Variants in ZNF714 observed in about 807,000 individuals in gnomAD.
ZNF714 encodes the protein zinc finger protein 714.
In ZNF714, 32 loss-of-function variants were observed where a neutral mutation model predicts 46.2. That is an observed-to-expected ratio of 0.69 (90% CI 0.52 to 0.93). The LOEUF (loss-of-function observed/expected upper bound fraction) is 0.93, where lower values mean the gene tolerates loss of function less well. Ranked by LOEUF, ZNF714 falls within the 40% of genes least tolerant of loss-of-function variation. The probability of loss-of-function intolerance (pLI) is 0.00; values close to 1 mark genes in which losing one functional copy is unlikely to be tolerated. For missense variants in ZNF714, 635 were observed against 646.3 expected (o/e 0.98, Z 0.19); for synonymous variants, 199 against 213.1 (o/e 0.93, Z 0.58).
At chr19:21,098,759 G>GA in intron 3 of ZNF714, 53 bp from the exon 4 acceptor site, 1 of 1,270,842 alleles carries the variant, frequency 7.9e-7, no homozygotes, top group South Asian at 1.3e-5. Context: ...CACAGTACTA[G>GA]GTTGGTAACT....
At chr19:21,084,654 T>A (rs1968732567) in intron 2 of ZNF714, among the ~76,000 whole-genome samples, 1 of 152,194 alleles carries the variant, frequency 6.6e-6, no homozygotes, top group Admixed American at 6.5e-5. Context: ...TGACCTCAGT[T>A]TTTTAGCTGT....
chr19:21,103,641 G>A (rs971975034), intron 4 of ZNF714, among the ~76,000 whole-genome samples: 1 of 152,140 alleles, frequency 6.6e-6, no homozygotes, highest in African/African-American at 2.4e-5. Context: ...CAGACGTGGT[G>A]GCTCACATCT....
intron 2 of ZNF714, among the ~76,000 whole-genome samples, chr19:21,095,200 G>A (rs1245115115): frequency 9.9e-5 from 15 of 152,104 alleles, no homozygotes; most frequent in Non-Finnish European, 1.5e-5. Context: ...ACTGAGGCAG[G>A]CCTTGCATAA....
intron 4 of ZNF714, among the ~76,000 whole-genome samples, chr19:21,115,709 G>A (rs1348220060): frequency 6.6e-6 from 1 of 151,572 alleles, no homozygotes; most frequent in Non-Finnish European, 1.5e-5. Flanking sequence ...TTGAAATTGT[G>A]CTTATATATG....
At position 21,122,696 on chromosome 19, in the gene ZNF714, CCTT is replaced by C. The variant is rs971233281; in HGVS notation, c.*4368_*4370del. The stretch of plus-strand genomic sequence containing the variant: ...TTTCCAACTATGTATGCATCACAGC[CCTT>C]CTTTTTCTGAGTTATAGCTACAGTT... On this transcript the variant is annotated 3_prime_UTR_variant, in exon 5 of 5. Coordinates refer to ENST00000456283, the MANE Select transcript of ZNF714 (RefSeq NM_182515.4). 1.2e-4 allele frequency: 18 copies of C among 152,222 alleles called. No individual in the cohort carries two copies. Among genetic ancestry groups the C allele is most frequent in the African/African-American group, 4.3e-4 (18 of 41,542 alleles). The allele number at this position is 152,222 out of a possible 1,614,324, so 9.4% of individuals were successfully genotyped here.
intron 2 of ZNF714, among the ~76,000 whole-genome samples, chr19:21,087,990 G>A (rs1035637514): frequency 3.9e-5 from 6 of 152,064 alleles, no homozygotes; most frequent in East Asian, 1.9e-4. Flanking sequence ...TTTTAATTAC[G>A]TACTAGGCGT....
Position 21,101,489 on chromosome 19 carries a change from G to C in ZNF714, c.142+2579G>C, listed in dbSNP as rs550855441. Among the ~76,000 whole-genome samples the C allele has an allele frequency of 9.0e-4, 137 of 152,316 alleles. 1 individual carries two copies. Among genetic ancestry groups the C allele is most frequent in the Middle Eastern group, 3.4e-3 (1 of 294 alleles). ...TAGGGCAGACACGAGGGCAGTGTCT[G>C]CAGTTGGCTCCATATATAATGGCCC... is the stretch of plus-strand genomic sequence containing the variant. On this transcript the variant is annotated intron_variant, in intron 4 of 4. Coordinates refer to ENST00000456283, the MANE Select transcript of ZNF714 (RefSeq NM_182515.4).
chr19:21,116,385 A>T (rs1162746605), intron 4 of ZNF714, among the ~76,000 whole-genome samples: 1 of 152,118 alleles, frequency 6.6e-6, no homozygotes, highest in African/African-American at 2.4e-5. Flanking sequence ...ACGGGAGACC[A>T]GTTTCTGGAA....
chr19:21,113,892 T>G (rs1370920647), intron 4 of ZNF714, among the ~76,000 whole-genome samples: 2 of 152,156 alleles, frequency 1.3e-5, no homozygotes, highest in African/African-American at 4.8e-5. Flanking sequence ...GTTCTGTAGA[T>G]ATCTGTCAGG....
At chr19:21,088,262 T>C (rs1968830650) in intron 2 of ZNF714, among the ~76,000 whole-genome samples, 1 of 152,240 alleles carries the variant, frequency 6.6e-6, no homozygotes, top group South Asian at 2.1e-4. Flanking sequence ...TTGGACTCTC[T>C]GATTTGTCCT....
intron 4 of ZNF714, 106 bp downstream of exon 4, chr19:21,099,016 A>AGATGCCT: frequency 1.5e-6 from 1 of 651,592 alleles, no homozygotes; most frequent in Non-Finnish European, 2.5e-6. Flanking sequence ...GCTGTTTTGC[A>AGATGCCT]AAGTATATAG....
chr19:21,087,579 T>A (rs1227729087), intron 2 of ZNF714, among the ~76,000 whole-genome samples: 1 of 152,190 alleles, frequency 6.6e-6, no homozygotes, highest in African/African-American at 2.4e-5. Flanking sequence ...TATAAACCTT[T>A]TATAACTCTT....
rs1969761482 is a variant in ZNF714 at position 21,124,507 on chromosome 19, CA to C, written c.*6177del. Among the ~76,000 whole-genome samples, 1 of 152,078 alleles carries C rather than the reference CA, an allele frequency of 6.6e-6. No homozygotes were observed. Among genetic ancestry groups the C allele is most frequent in the Non-Finnish European group, 1.5e-5 (1 of 68,010 alleles). On this transcript the variant is annotated 3_prime_UTR_variant, in exon 5 of 5. Transcript: ENST00000456283. ...TTTATGTCTTAAAAATATTTTCTTTCAACTTGAGAAAATGTGTGCTTTTTCT... is the reference window on the plus strand; with the variant it reads ...TTTATGTCTTAAAAATATTTTCTTTCACTTGAGAAAATGTGTGCTTTTTCT...
intron 2 of ZNF714, chr19:21,091,712 T>G (rs1159486925): frequency 6.6e-6 from 1 of 151,640 alleles, no homozygotes; most frequent in African/African-American, 2.4e-5. Flanking sequence ...TTTCTTCCAT[T>G]TGACTTTTCC....
chr19:21,115,717 ATG>A (rs1969581123), intron 4 of ZNF714, among the ~76,000 whole-genome samples: 1 of 151,752 alleles, frequency 6.6e-6, no homozygotes, highest in Non-Finnish European at 1.5e-5. Context: ...GTGCTTATAT[ATG>A]TGTTTGTTAT....
chr19:21,123,081 G>C lies in ZNF714; in HGVS notation c.*4749G>C, dbSNP rs1395653064. 2 of 150,026 alleles carry C rather than the reference G, an allele frequency of 1.3e-5. No homozygotes were observed. Among genetic ancestry groups the C allele is most frequent in the African/African-American group, 4.9e-5 (2 of 40,658 alleles). The allele number at this position is 150,026 out of a possible 1,614,324, so 9.3% of individuals were successfully genotyped here. ...ATGCAGGAGAATCGCTTGAACCCAG[G>C]AGGCAGAGGTTGCAGTGAGCCGAAA... is the stretch of plus-strand genomic sequence containing the variant. On this transcript the variant is annotated 3_prime_UTR_variant, in exon 5 of 5. Coordinates refer to ENST00000456283, the MANE Select transcript of ZNF714 (RefSeq NM_182515.4).
At chr19:21,115,423 C>A (rs1468363508) in intron 4 of ZNF714, among the ~76,000 whole-genome samples, 1 of 151,876 alleles carries the variant, frequency 6.6e-6, no homozygotes, top group African/African-American at 2.4e-5. Flanking sequence ...TCAGTAGAAG[C>A]AACTGCTTTC....
intron 2 of ZNF714, chr19:21,091,792 G>T (rs1445181775): frequency 1.3e-5 from 2 of 151,994 alleles, no homozygotes; most frequent in African/African-American, 2.4e-5. Flanking sequence ...TGAGTAGCTT[G>T]ATCTAATTAT....
At chr19:21,114,091 C>T (rs2082002) in intron 4 of ZNF714, among the ~76,000 whole-genome samples, 112,524 of 151,718 alleles carry the variant, frequency 0.74, 43,368 homozygotes, top group Middle Eastern at 0.88. Flanking sequence ...CATTATGTAA[C>T]GTACTTCTTT....
Sources: gnomAD v4.1 joint callset for allele counts (sites outside exome capture counted in the v4.1 genomes callset) on GRCh38, gnomAD v4.1.1 for gene constraint, MANE v1.5 for transcripts, NCBI Gene and HGNC (gene_info 2026-07-23, HGNC 2026-07-21) for gene names.